CDC42BPA: variants seen among roughly 807,000 people sequenced by gnomAD.
CDC42BPA encodes serine/threonine-protein kinase MRCK alpha.
CDC42BPA carries 80 observed loss-of-function variants against 223.5 expected under a neutral mutation model. The ratio of observed to expected loss-of-function variants is 0.36; its 90% CI spans 0.30 to 0.43. CDC42BPA has a LOEUF of 0.43. Ranked by LOEUF, CDC42BPA falls within the 20% of genes least tolerant of loss-of-function variation. The pLI, the probability that CDC42BPA is intolerant of heterozygous loss-of-function variation, is 1.00. For missense variants in CDC42BPA, 1,743 were observed against 2,099.9 expected, an observed-to-expected ratio of 0.83 and a Z score of 3.32; for synonymous variants, 694 against 718.6, an observed-to-expected ratio of 0.97 and a Z score of 0.55.
At chr1:227,246,297 TA>T (rs1433382975) in intron 2 of CDC42BPA, among the ~76,000 whole-genome samples, 1 of 152,114 alleles carries the variant, frequency 6.6e-6, no homozygotes, top group Non-Finnish European at 1.5e-5. Context: ...GTAGTAAAAA[TA>T]AAACATCAGG....
intron 1 of CDC42BPA, among the ~76,000 whole-genome samples, chr1:227,289,669 C>A (rs549125678): frequency 4.6e-4 from 70 of 152,240 alleles, no homozygotes; most frequent in African/African-American, 1.6e-3. Context: ...AGGAGGTATG[C>A]AATAAATATC....
chr1:227,059,247 A>G lies in CDC42BPA; in HGVS notation c.2905-7262T>C. 4 of 776,084 alleles carry G rather than the reference A, an allele frequency of 5.2e-6. 1 individual carries two copies. The South Asian group carries it at 6.8e-5, about 13-fold the overall frequency. 48.1% of individuals were successfully genotyped at this position (776,084 alleles called of 1,614,324 possible). ...GCACAGCAACAGCAGGAGCAGCAGC[A>G]CAAAGCATGCAATAGATGTAATAAT... On this transcript the variant is annotated intron_variant, in intron 21 of 36. Coordinates refer to ENST00000366766, the MANE Select transcript of CDC42BPA (RefSeq NM_001394014.1).
At chr1:227,088,395 AC>A (rs1191188964) in intron 16 of CDC42BPA, among the ~76,000 whole-genome samples, 1 of 152,214 alleles carries the variant, frequency 6.6e-6, no homozygotes, top group African/African-American at 2.4e-5. Context: ...ACATAGGAAT[AC>A]GAAAAAATGC....
chr1:227,287,487 C>A lies in CDC42BPA; in HGVS notation c.178+29518G>T, dbSNP rs545791979. Reference sequence around the variant, plus strand: ...TAATATTAATAATTCAATTAAAATACCTCTTACCCTGATAATTCTCTTCAC... The same window carrying A: ...TAATATTAATAATTCAATTAAAATAACTCTTACCCTGATAATTCTCTTCAC... On this transcript the variant is annotated intron_variant, in intron 1 of 36. Transcript: ENST00000366766. Among the ~76,000 whole-genome samples, 16 of 152,228 alleles carry A rather than the reference C, an allele frequency of 1.1e-4. No individual in the cohort carries two copies. The South Asian group carries it at 3.3e-3, about 32-fold the overall frequency.
chr1:227,160,587 A>G lies in CDC42BPA; in HGVS notation c.649T>C (p.Leu217=). 1.9e-6 allele frequency: 3 copies of G among 1,609,878 alleles called. No individual in the cohort carries two copies. Among genetic ancestry groups the G allele is most frequent in the Non-Finnish European group, 2.6e-6 (3 of 1,176,302 alleles). ...TTCAGACAAGAACCAAAATCTGCTA[A>G]CCGAATATGTCCATTCATATCCATC... ...ILMDMNGHIR[L]ADFGSCLKLM... is the part of the protein sequence containing the mutation. Residue 217 remains leucine, a synonymous_variant, in exon 6 of 37, where the codon TTA becomes CTA. Coordinates refer to ENST00000366766, the MANE Select transcript of CDC42BPA (RefSeq NM_001394014.1).
chr1:227,282,504 AGC>A (rs1688173351), intron 1 of CDC42BPA, among the ~76,000 whole-genome samples: 1 of 152,238 alleles, frequency 6.6e-6, no homozygotes, highest in African/African-American at 2.4e-5. Context: ...GAATTCCTCT[AGC>A]ACACACTGCA....
In CDC42BPA at chr1:227,112,145, G is replaced by C. The variant is rs183913335; in HGVS notation, c.2001+167C>G. ...CCTCCATTTTCTTCAGCATAATTAA[G>C]AAATCTGTATTAGCTTCCTACTGGT... On this transcript the variant is annotated intron_variant, in intron 14 of 36. Coordinates refer to ENST00000366766, the MANE Select transcript of CDC42BPA (RefSeq NM_001394014.1). The C allele has an allele frequency of 6.8e-5, 29 of 426,890 alleles. No individual in the cohort carries two copies. The East Asian group carries it at 9.8e-4, about 14-fold the overall frequency. The allele number at this position is 426,890 out of a possible 1,614,324, so 26.4% of individuals were successfully genotyped here.
intron 21 of CDC42BPA, among the ~76,000 whole-genome samples, chr1:227,054,568 T>C (rs553905150): frequency 3.3e-5 from 5 of 152,354 alleles, no homozygotes; most frequent in African/African-American, 1.2e-4. Context: ...TGTGGTATTA[T>C]GACAGTGGGA....
chr1:227,129,273 T>A, intron 10 of CDC42BPA, 42 bp from the exon 11 acceptor site: 1 of 1,383,928 alleles, frequency 7.2e-7, no homozygotes, highest in Non-Finnish European at 9.9e-7. Flanking sequence ...ATCACCATAC[T>A]CTAAATTCTT....
At chr1:227,122,546 T>C (rs1182845508) in intron 11 of CDC42BPA, among the ~76,000 whole-genome samples, 2 of 152,202 alleles carry the variant, frequency 1.3e-5, no homozygotes, top group Non-Finnish European at 2.9e-5. Context: ...TGCTTTGCAA[T>C]GGAGTTGTTA....
intron 1 of CDC42BPA, among the ~76,000 whole-genome samples, chr1:227,306,391 A>G (rs966267903): frequency 5.9e-5 from 9 of 152,214 alleles, no homozygotes; most frequent in Admixed American, 2.0e-4. Context: ...ACTACACTTA[A>G]CTGGGATTAC....
chr1:227,153,608 T>C (rs907382601), intron 6 of CDC42BPA, among the ~76,000 whole-genome samples: 1 of 151,950 alleles, frequency 6.6e-6, no homozygotes, highest in Non-Finnish European at 1.5e-5. Flanking sequence ...TGGTCTGAAC[T>C]ACTTTATGGC....
At position 227,028,905 on chromosome 1, in the gene CDC42BPA, C is replaced by G; in HGVS notation, c.4184G>C (p.Cys1395Ser). 6.2e-7 allele frequency: 1 copy of G among 1,613,986 alleles called. No homozygotes were observed. The highest frequency in any genetic ancestry group is 8.5e-7 in the Non-Finnish European group (1 of 1,179,880). Reference sequence around the variant, plus strand: ...TAGAAATCCTGACTGGAATCCCACACAGAGTTGTTCACTGAAGATTGCCAT... The same window carrying G: ...TAGAAATCCTGACTGGAATCCCACAGAGAGTTGTTCACTGAAGATTGCCAT... The part of the protein sequence containing the change: ...QWMAIFSEQL[C>S]VGFQSGFLRY... The change falls in exon 30 of 37, where the codon TGT becomes TCT. Residue 1395 changes from cysteine to serine, a missense_variant. Coordinates refer to ENST00000366766, the MANE Select transcript of CDC42BPA (RefSeq NM_001394014.1).
chr1:227,188,011 A>G (rs1669109374), intron 5 of CDC42BPA, among the ~76,000 whole-genome samples: 1 of 152,116 alleles, frequency 6.6e-6, no homozygotes, highest in African/African-American at 2.4e-5. Context: ...GGAAAAATTG[A>G]AAAGTTCTTC....
At chr1:227,044,673 G>A (rs1224320792) in intron 23 of CDC42BPA, among the ~76,000 whole-genome samples, 1 of 152,032 alleles carries the variant, frequency 6.6e-6, no homozygotes. Context: ...TTCCTGCTAT[G>A]GTAGAGAAGG....
chr1:227,064,266 G>A (rs1676524366), intron 21 of CDC42BPA, among the ~76,000 whole-genome samples: 1 of 152,024 alleles, frequency 6.6e-6, no homozygotes, highest in South Asian at 2.1e-4. Context: ...TTTGTGAACT[G>A]GGACTAAATG....
chr1:227,026,245 G>A (rs372062109), intron 30 of CDC42BPA, 93 bp from the exon 31 acceptor site: 4 of 652,486 alleles, frequency 6.1e-6, no homozygotes, highest in African/African-American at 1.9e-5. Flanking sequence ...ACTGTAGAGT[G>A]GAATCCCACC....
intron 11 of CDC42BPA, among the ~76,000 whole-genome samples, chr1:227,122,353 C>T (rs1460168301): frequency 6.6e-6 from 1 of 152,130 alleles, no homozygotes; most frequent in African/African-American, 2.4e-5. Context: ...ATTATTGTTA[C>T]TGACTTATTT....
At chr1:227,104,640 T>C (rs1034728508) in intron 14 of CDC42BPA, among the ~76,000 whole-genome samples, 1 of 152,194 alleles carries the variant, frequency 6.6e-6, no homozygotes, top group African/African-American at 2.4e-5. Context: ...TGTAACCTTA[T>C]TTTAAAATAT....
Sources: allele counts gnomAD v4.1 joint callset (sites outside exome capture counted in the v4.1 genomes callset), GRCh38; gene constraint gnomAD v4.1.1; transcripts MANE v1.5; gene names NCBI Gene and HGNC (gene_info 2026-07-23, HGNC 2026-07-21).